Variants in ITGBL1 observed in about 807,000 individuals in gnomAD.
ITGBL1 encodes the protein integrin beta-like protein 1.
A neutral mutation model predicts 68.5 loss-of-function variants in ITGBL1; 51 were observed. The observed-to-expected ratio is 0.74, with a 90% CI of 0.59 to 0.94. The LOEUF is 0.94. Ranked by LOEUF, ITGBL1 falls within the 40% of genes least tolerant of loss-of-function variation. The probability of loss-of-function intolerance (pLI) is 0.00; values close to 1 mark genes in which losing one functional copy is unlikely to be tolerated. For missense variants in ITGBL1, 649 were observed against 647.4 expected (o/e 1.00, Z -0.03); for synonymous variants, 209 against 227.3 (o/e 0.92, Z 0.72).
chr13:101,538,732 C>T (rs985461545), intron 2 of ITGBL1, among the ~76,000 whole-genome samples: 4 of 151,930 alleles, frequency 2.6e-5, no homozygotes, highest in Non-Finnish European at 4.4e-5. Context: ...GAAATAAGAG[C>T]TCAAAGGAGA....
At chr13:101,671,717 C>T (rs1005429246) in intron 7 of ITGBL1, among the ~76,000 whole-genome samples, 14 of 151,952 alleles carry the variant, frequency 9.2e-5, no homozygotes, top group African/African-American at 3.4e-4. Flanking sequence ...GGATTACAGG[C>T]GTGAGCCACC....
chr13:101,639,399 A>C (rs1034211887), intron 7 of ITGBL1, among the ~76,000 whole-genome samples: 1 of 152,184 alleles, frequency 6.6e-6, no homozygotes, highest in Non-Finnish European at 1.5e-5. Context: ...CACATATCTA[A>C]TCATCATTTG....
intron 6 of ITGBL1, 73 bp downstream of exon 6, chr13:101,583,429 AGC>A: frequency 4.3e-5 from 47 of 1,082,746 alleles, no homozygotes; most frequent in Non-Finnish European, 5.7e-5. Flanking sequence ...AAAAAAAAAA[AGC>A]AATTAGAAAG....
intron 7 of ITGBL1, among the ~76,000 whole-genome samples, chr13:101,653,199 G>C (rs2032809037): frequency 6.6e-6 from 1 of 150,582 alleles, no homozygotes. Flanking sequence ...GAGGAGGAGG[G>C]GAGGAAAGGA....
rs184043530 is a variant in ITGBL1, at chr13:101,712,962, G to A, written c.1280-1476G>A. On this transcript the variant is annotated intron_variant, in intron 9 of 10. Transcript: ENST00000376180. ...AGTCAATTATTAAAACTGAGAAGAC[G>A]TGTATATTTCCTCAAGAGCATGCAA... The A allele has an allele frequency of 5.4e-4, 82 of 152,228 alleles. 1 individual carries two copies. Among genetic ancestry groups the A allele is most frequent in the African/African-American group, 1.8e-3 (76 of 41,506 alleles). 9.4% of individuals were successfully genotyped at this position (152,228 alleles called of 1,614,324 possible). A position where few individuals can be genotyped will look rare whatever the true frequency, so the allele number is the denominator to read the frequency against.
chr13:101,575,735 A>G (rs1156772099), intron 4 of ITGBL1, among the ~76,000 whole-genome samples, 189 bp downstream of exon 4: 1 of 152,136 alleles, frequency 6.6e-6, no homozygotes, highest in African/African-American at 2.4e-5. Context: ...TACTTTTTAG[A>G]TGCAAAGCCA....
chr13:101,603,495 T>C (rs970841447), intron 7 of ITGBL1, among the ~76,000 whole-genome samples: 1 of 151,948 alleles, frequency 6.6e-6, no homozygotes, highest in East Asian at 1.9e-4. Context: ...GTCATTATAG[T>C]GCTGCATAAG....
chr13:101,681,627 G>A (rs888833516), intron 7 of ITGBL1, among the ~76,000 whole-genome samples: 2 of 152,190 alleles, frequency 1.3e-5, no homozygotes, highest in African/African-American at 4.8e-5. Context: ...CCTGTGTCAT[G>A]TGGAAGTGAG....
rs146027348 is a variant in ITGBL1, at chr13:101,494,843, CTTAGTG to C, written c.316+40748_316+40753del. ...CAAAAATGTAAAAGTCTATGAAATA[CTTAGTG>C]TTAGGTTGATGATATTATAAGCGCT... On this transcript the variant is annotated intron_variant, in intron 2 of 10. Coordinates refer to ENST00000376180, the MANE Select transcript of ITGBL1 (RefSeq NM_004791.3). Among the ~76,000 whole-genome samples the C allele has an allele frequency of 2.1e-3, 314 of 152,196 alleles. 1 individual carries two copies. The highest frequency in any genetic ancestry group is 7.0e-3 in the African/African-American group (292 of 41,522).
intron 6 of ITGBL1, among the ~76,000 whole-genome samples, chr13:101,594,481 C>G (rs372275874): frequency 6.6e-6 from 1 of 151,804 alleles, no homozygotes; most frequent in South Asian, 2.1e-4. Flanking sequence ...TAAAACTACT[C>G]GAAGAAACGT....
At position 101,490,077 on chromosome 13, in the gene ITGBL1, T is replaced by C. The variant is rs565318615; in HGVS notation, c.316+35977T>C. 7 of 902,526 alleles carry C rather than the reference T, an allele frequency of 7.8e-6. No individual in the cohort carries two copies. The East Asian group carries it at 1.9e-4, about 24-fold the overall frequency. 55.9% of individuals were successfully genotyped at this position (902,526 alleles called of 1,614,324 possible). On this transcript the variant is annotated intron_variant, in intron 2 of 10. Transcript: ENST00000376180. ...ATTTGTTTACCCCCAAAATTCTGTG[T>C]TGAAATTCTAACCCCCAGTGTGATG... is the stretch of plus-strand genomic sequence containing the variant.
chr13:101,700,626 T>G (rs2034114663), intron 8 of ITGBL1, among the ~76,000 whole-genome samples: 1 of 152,160 alleles, frequency 6.6e-6, no homozygotes, highest in African/African-American at 2.4e-5. Flanking sequence ...TTTAGATTTT[T>G]TTTACCAAGA....
chr13:101,594,252 GA>G (rs1315261078), intron 6 of ITGBL1, among the ~76,000 whole-genome samples: 1 of 152,092 alleles, frequency 6.6e-6, no homozygotes, highest in Non-Finnish European at 1.5e-5. Context: ...CAGTGGAACA[GA>G]ATAGACAGCA....
chr13:101,578,463 G>T (rs574976855), intron 4 of ITGBL1, among the ~76,000 whole-genome samples: 1 of 152,186 alleles, frequency 6.6e-6, no homozygotes, highest in Non-Finnish European at 1.5e-5. Flanking sequence ...AGTATAAGAA[G>T]TAAAATTTGG....
At position 101,462,614 on chromosome 13, in the gene ITGBL1, G is replaced by A. The variant is rs1018938919; in HGVS notation, c.316+8514G>A. Reference sequence around the variant, plus strand: ...ATTATTTTTTTTGAGTTGGATTCTCGCTGTGTTGCCGAGGCTGGAGTGCAG... The same window carrying A: ...ATTATTTTTTTTGAGTTGGATTCTCACTGTGTTGCCGAGGCTGGAGTGCAG... On this transcript the variant is annotated intron_variant, in intron 2 of 10. Transcript: ENST00000376180. 5.3e-5 allele frequency among the ~76,000 whole-genome samples: 8 copies of A among 151,842 alleles called. No homozygotes were observed. The South Asian group carries it at 8.3e-4, about 16-fold the overall frequency.
intron 2 of ITGBL1, among the ~76,000 whole-genome samples, chr13:101,487,279 GA>G (rs1427428869): frequency 1.3e-5 from 2 of 152,128 alleles, no homozygotes; most frequent in Non-Finnish European, 2.9e-5. Flanking sequence ...AGGAACACAG[GA>G]AATTATATGG....
At chr13:101,619,821 A>G (rs1219825858) in intron 7 of ITGBL1, among the ~76,000 whole-genome samples, 4 of 152,190 alleles carry the variant, frequency 2.6e-5, no homozygotes, top group African/African-American at 9.6e-5. Context: ...TACTGAGAGT[A>G]TCTCAACTAT....
chr13:101,657,346 T>C (rs1282347921), intron 7 of ITGBL1, among the ~76,000 whole-genome samples: 3 of 152,208 alleles, frequency 2.0e-5, no homozygotes, highest in African/African-American at 7.2e-5. Context: ...TTCTGAAACA[T>C]ATTCCCTCTT....
At chr13:101,599,996 C>G (rs547714237) in intron 7 of ITGBL1, among the ~76,000 whole-genome samples, 63 of 152,162 alleles carry the variant, frequency 4.1e-4, no homozygotes, top group South Asian at 2.1e-3. Flanking sequence ...AGATTGATGG[C>G]GATGGCATTG....
Sources: gnomAD v4.1 joint callset for allele counts (sites outside exome capture counted in the v4.1 genomes callset) on GRCh38, gnomAD v4.1.1 for gene constraint, MANE v1.5 for transcripts, NCBI Gene and HGNC (gene_info 2026-07-23, HGNC 2026-07-21) for gene names.